DHRSX: variants seen among roughly 807,000 people sequenced by gnomAD.
The protein encoded by DHRSX is polyprenol dehydrogenase.
In DHRSX, 31 loss-of-function variants were observed where a neutral mutation model predicts 34.0. The observed-to-expected ratio is 0.91, with a 90% CI of 0.69 to 1.23. The LOEUF is 1.23. Among genes scored for constraint, DHRSX ranks in the 50% most tolerant of loss-of-function variants. The pLI, the probability that DHRSX is intolerant of heterozygous loss-of-function variation, is 0.00. For missense variants in DHRSX, 414 were observed against 428.1 expected, an observed-to-expected ratio of 0.97 and a Z score of 0.29; for synonymous variants, 201 against 183.8, an observed-to-expected ratio of 1.09 and a Z score of -0.76.
rs780016849 is a variant in DHRSX, at chrX:2,245,558, C to T, written c.597-2328G>A. ...CTCCTGACCTCAGGTGATCCGCCTG[C>T]CTCGGCCTCCCAAAGTGCTGGGATT... is the stretch of plus-strand genomic sequence containing the variant. On this transcript the variant is annotated intron_variant, in intron 5 of 6. Coordinates refer to ENST00000334651, the MANE Select transcript of DHRSX (RefSeq NM_145177.3). Among the ~76,000 whole-genome samples the T allele has an allele frequency of 2.6e-5, 4 of 151,058 alleles. No individual in the cohort carries two copies. In the East Asian group the frequency reaches 8.0e-4, roughly 30 times the overall value.
intron 3 of DHRSX, among the ~76,000 whole-genome samples, chrX:2,357,529 C>T (rs1216291858): frequency 6.6e-6 from 1 of 151,962 alleles, no homozygotes; most frequent in Non-Finnish European, 1.5e-5. Context: ...AAAAGGACAT[C>T]TGCCAATGGA....
intron 1 of DHRSX, among the ~76,000 whole-genome samples, chrX:2,472,143 C>CAAAAA (rs112638597): frequency 6.6e-5 from 8 of 120,894 alleles, no homozygotes; most frequent in African/African-American, 1.5e-4. Flanking sequence ...GAAACTGTCT[C>CAAAAA]AAAAAAAAAA....
intron 4 of DHRSX, among the ~76,000 whole-genome samples, chrX:2,285,573 T>C (rs2041794766): frequency 6.6e-6 from 1 of 152,128 alleles, no homozygotes; most frequent in Admixed American, 6.6e-5. Flanking sequence ...CACTTGCCAC[T>C]CACCTTCTGC....
chrX:2,358,002 A>G (rs1458750130), intron 3 of DHRSX, among the ~76,000 whole-genome samples: 1 of 152,204 alleles, frequency 6.6e-6, no homozygotes, highest in Non-Finnish European at 1.5e-5. Flanking sequence ...TGGGACAAAA[A>G]GAATCCTCAA....
At chrX:2,368,890 C>T (rs1157030082) in intron 3 of DHRSX, among the ~76,000 whole-genome samples, 1 of 151,944 alleles carries the variant, frequency 6.6e-6, no homozygotes, top group African/African-American at 2.4e-5. Flanking sequence ...TGCAGTGAGC[C>T]GAGATCGCAC....
intron 1 of DHRSX, among the ~76,000 whole-genome samples, chrX:2,445,647 C>T (rs922587543): frequency 6.6e-6 from 1 of 152,044 alleles, no homozygotes; most frequent in African/African-American, 2.4e-5. Context: ...GGCCAAGGGA[C>T]CACCGCCATG....
chrX:2,495,335 G>A (rs2045255711), intron 1 of DHRSX, among the ~76,000 whole-genome samples: 1 of 151,666 alleles, frequency 6.6e-6, no homozygotes. Flanking sequence ...CCAGTACCAT[G>A]AACAAAGGTT....
intron 3 of DHRSX, among the ~76,000 whole-genome samples, chrX:2,372,602 T>C (rs1238829594): frequency 2.4e-5 from 3 of 125,164 alleles, no homozygotes; most frequent in Non-Finnish European, 3.4e-5. Flanking sequence ...TTCTTTTCTT[T>C]TCCTTCTTTG....
chrX:2,408,733 A>G lies in DHRSX; in HGVS notation c.286+12T>C. 6.2e-7 allele frequency: 1 copy of G among 1,600,750 alleles called. No individual in the cohort carries two copies. Among genetic ancestry groups the G allele is most frequent in the Admixed American group, 1.7e-5 (1 of 57,198 alleles). On this transcript the variant is annotated intron_variant, in intron 3 of 6. Coordinates refer to ENST00000334651, the MANE Select transcript of DHRSX (RefSeq NM_145177.3). ...AAAAACAAAAAAAAGCCATTGGAGT[A>G]TCTCTCGGTACCTTTGTCGTTCAAG... is the stretch of plus-strand genomic sequence containing the variant.
At chrX:2,224,601 G>C (rs903983670) in intron 6 of DHRSX, among the ~76,000 whole-genome samples, 1 of 152,106 alleles carries the variant, frequency 6.6e-6, no homozygotes, top group Non-Finnish European at 1.5e-5. Flanking sequence ...TTTTCTGTAA[G>C]AAAAACACAC....
chrX:2,308,116 A>G (rs1189062763), intron 3 of DHRSX, among the ~76,000 whole-genome samples: 1 of 152,170 alleles, frequency 6.6e-6, no homozygotes, highest in African/African-American at 2.4e-5. Context: ...GGGAGTATTT[A>G]ACGCACTCCT....
At chrX:2,391,379 T>C (rs1413764653) in intron 3 of DHRSX, among the ~76,000 whole-genome samples, 1 of 152,158 alleles carries the variant, frequency 6.6e-6, no homozygotes, top group African/African-American at 2.4e-5. Context: ...GCAAAAGGGA[T>C]GCCGGCAACG....
chrX:2,356,552 G>T lies in DHRSX; in HGVS notation c.286+52193C>A, dbSNP rs2042854722. On this transcript the variant is annotated intron_variant, in intron 3 of 6. Coordinates refer to ENST00000334651, the MANE Select transcript of DHRSX (RefSeq NM_145177.3). ...CCAATGTTGGTATCTCTGAAGACAA[G>T]AACTGGGAGAAAGAGACACAGAAAC... 3.9e-5 allele frequency among the ~76,000 whole-genome samples: 6 copies of T among 152,278 alleles called. No individual in the cohort carries two copies. In the South Asian group the frequency reaches 1.0e-3, roughly 26 times the overall value.
intron 5 of DHRSX, among the ~76,000 whole-genome samples, chrX:2,265,505 C>T (rs1481036386): frequency 4.0e-5 from 5 of 125,934 alleles, no homozygotes; most frequent in Admixed American, 7.8e-5. Flanking sequence ...AGCACTGTCC[C>T]CAGAGCACCA....
chrX:2,332,960 G>A (rs780414615), intron 3 of DHRSX, among the ~76,000 whole-genome samples: 1 of 152,130 alleles, frequency 6.6e-6, no homozygotes, highest in African/African-American at 2.4e-5. Flanking sequence ...TAACAATCAG[G>A]GGGCTTGGTT....
At chrX:2,300,437 C>T (rs1347343861) in intron 3 of DHRSX, among the ~76,000 whole-genome samples, 1 of 152,132 alleles carries the variant, frequency 6.6e-6, no homozygotes, top group Non-Finnish European at 1.5e-5. Context: ...AAGTATTGAT[C>T]CTGGGTGTGT....
chrX:2,267,177 T>C (rs1336775450), intron 4 of DHRSX, among the ~76,000 whole-genome samples: 3 of 152,154 alleles, frequency 2.0e-5, no homozygotes, highest in Admixed American at 2.0e-4. Flanking sequence ...CTCTGTGCCT[T>C]GAGTTTAAAA....
intron 3 of DHRSX, among the ~76,000 whole-genome samples, chrX:2,304,169 AC>A (rs2042065291): frequency 2.6e-5 from 2 of 76,980 alleles, no homozygotes; most frequent in African/African-American, 5.4e-5. Flanking sequence ...GGATGGATGA[AC>A]TGATGGATGG....
At chrX:2,490,624 G>A in intron 1 of DHRSX, 1 of 1,613,988 alleles carries the variant, frequency 6.2e-7, no homozygotes, top group Non-Finnish European at 8.5e-7. Flanking sequence ...CGGCGTTGGT[G>A]TCGAAGCCGA....
Sources: gnomAD v4.1 joint callset for allele counts (sites outside exome capture counted in the v4.1 genomes callset) on GRCh38, gnomAD v4.1.1 for gene constraint, MANE v1.5 for transcripts, NCBI Gene and HGNC (gene_info 2026-07-23, HGNC 2026-07-21) for gene names.